The following RTF2 variants were observed in gnomAD, a reference collection of about 807,000 sequenced individuals.
The protein encoded by RTF2 is replication termination factor 2.
In RTF2, 18 loss-of-function variants were observed where a neutral mutation model predicts 38.0. The observed-to-expected ratio is 0.47, with a 90% CI of 0.33 to 0.70. RTF2 has a LOEUF of 0.70. Ranked by LOEUF, RTF2 falls within the 30% of genes least tolerant of loss-of-function variation. The pLI is 0.02. For missense variants in RTF2, 311 were observed against 379.6 expected, an observed-to-expected ratio of 0.82 and a Z score of 1.50; for synonymous variants, 126 against 137.1, an observed-to-expected ratio of 0.92 and a Z score of 0.57.
rs1256888430 is a variant in RTF2 at position 56,518,739 on chromosome 20, A to G, written c.*474A>G. The G allele has an allele frequency of 6.5e-6, 1 of 152,980 alleles. No homozygotes were observed. Among genetic ancestry groups the G allele is most frequent in the Non-Finnish European group, 1.5e-5 (1 of 68,654 alleles). The allele number at this position is 152,980 out of a possible 1,614,324, so 9.5% of individuals were successfully genotyped here. ...CTTCGAAGGGCCTCGTCCCTCTGCT[A>G]CAGCCCTGGGAGGAGCCAGGATCCT... is the stretch of plus-strand genomic sequence containing the variant. On this transcript the variant is annotated 3_prime_UTR_variant, in exon 9 of 9. Coordinates refer to ENST00000357348, the MANE Select transcript of RTF2 (RefSeq NM_016407.5).
intron 4 of RTF2, among the ~76,000 whole-genome samples, chr20:56,481,834 G>A (rs368505368): frequency 1.4e-4 from 22 of 152,266 alleles, no homozygotes; most frequent in African/African-American, 5.3e-4. Flanking sequence ...GTCTGTTTCT[G>A]TCTCAATGGA....
Position 56,497,548 on chromosome 20 carries a change from T to C in RTF2, c.477+13359T>C, listed in dbSNP as rs375376983. 5.9e-5 allele frequency: 82 copies of C among 1,397,696 alleles called. No homozygotes were observed. The African/African-American group carries it at 1.0e-3, about 18-fold the overall frequency. 86.6% of individuals were successfully genotyped at this position (1,397,696 alleles called of 1,614,324 possible). ...GTTGGATTCCTTAAGTAAAGAAAAA[T>C]GAAGATGCAAATGACTGCCCTCACG... On this transcript the variant is annotated intron_variant, in intron 5 of 8. Transcript: ENST00000357348.
chr20:56,473,839 A>T (rs1034105571), intron 2 of RTF2, among the ~76,000 whole-genome samples: 1 of 152,040 alleles, frequency 6.6e-6, no homozygotes, highest in African/African-American at 2.4e-5. Flanking sequence ...AGTAAGCTAT[A>T]ATTCCACCAC....
At chr20:56,486,980 A>G (rs904236014) in intron 5 of RTF2, among the ~76,000 whole-genome samples, 6 of 152,038 alleles carry the variant, frequency 3.9e-5, no homozygotes, top group Non-Finnish European at 8.8e-5. Context: ...GATTGGGGAA[A>G]CCTTCGAATG....
intron 5 of RTF2, among the ~76,000 whole-genome samples, chr20:56,498,615 G>T (rs193006185): frequency 2.0e-5 from 3 of 152,268 alleles, no homozygotes. Context: ...GTCTACAGAG[G>T]TACATGAATA....
At chr20:56,476,625 G>T (rs917932062) in intron 3 of RTF2, among the ~76,000 whole-genome samples, 3 of 151,350 alleles carry the variant, frequency 2.0e-5, no homozygotes, top group South Asian at 4.2e-4. Context: ...TCAGCCTCCC[G>T]AGTAGCTGGG....
At chr20:56,518,017 CT>C in intron 8 of RTF2, 69 bp from the exon 9 acceptor site, 1 of 1,471,418 alleles carries the variant, frequency 6.8e-7, no homozygotes, top group Non-Finnish European at 9.3e-7. Context: ...ATGGGCTTCC[CT>C]TCTGAGGATG....
intron 5 of RTF2, among the ~76,000 whole-genome samples, chr20:56,511,856 G>A (rs139497106): frequency 8.6e-4 from 130 of 151,732 alleles, no homozygotes; most frequent in Middle Eastern, 6.8e-3. Flanking sequence ...TTTTTGAGAC[G>A]GAGTCTCGCT....
chr20:56,506,845 C>A (rs932664785), intron 5 of RTF2, among the ~76,000 whole-genome samples: 2 of 152,080 alleles, frequency 1.3e-5, no homozygotes, highest in Non-Finnish European at 2.9e-5. Context: ...AGACTACAGG[C>A]GCCCACCACC....
At chr20:56,498,641 A>G (rs1202656282) in intron 5 of RTF2, among the ~76,000 whole-genome samples, 2 of 152,256 alleles carry the variant, frequency 1.3e-5, no homozygotes, top group East Asian at 3.8e-4. Context: ...AGCAATAGCA[A>G]AAAGTGACCA....
intron 5 of RTF2, among the ~76,000 whole-genome samples, chr20:56,486,127 C>T (rs559101524): frequency 1.9e-4 from 29 of 152,150 alleles, no homozygotes; most frequent in African/African-American, 6.0e-4. Context: ...AGGACAGTGA[C>T]GCCCATTTTG....
Position 56,518,230 on chromosome 20 carries a change from GC to G in RTF2, c.889del (p.His297ThrfsTer28). 2 of 1,613,954 alleles carry G rather than the reference GC, an allele frequency of 1.2e-6. No homozygotes were observed. The highest frequency in any genetic ancestry group is 1.7e-6 in the Non-Finnish European group (2 of 1,179,944). ...SSAKRSKEES[A>X]HWVTHTSYCF The stretch of plus-strand genomic sequence containing the variant: ...CGCCAAGCGCTCCAAGGAGGAGTCT[GC>G]CCACTGGGTCACCCACACGTCCTAC... On this transcript the variant is annotated frameshift_variant, in exon 9 of 9. Transcript: ENST00000357348. LOFTEE classifies it high-confidence loss of function.
chr20:56,506,794 A>G (rs1209642600), intron 5 of RTF2, among the ~76,000 whole-genome samples: 1 of 151,730 alleles, frequency 6.6e-6, no homozygotes, highest in African/African-American at 2.4e-5. Context: ...TCCGCCTCCC[A>G]GCTTCACGCC....
chr20:56,502,676 C>T (rs1193009866), intron 5 of RTF2, among the ~76,000 whole-genome samples: 1 of 152,150 alleles, frequency 6.6e-6, no homozygotes, highest in Non-Finnish European at 1.5e-5. Context: ...GCCATATATT[C>T]TAGCATATTA....
At chr20:56,505,610 G>T (rs981536379) in intron 5 of RTF2, among the ~76,000 whole-genome samples, 10 of 151,840 alleles carry the variant, frequency 6.6e-5, no homozygotes, top group African/African-American at 2.4e-4. Context: ...TTCACTTCTT[G>T]TCTCACATTC....
intron 5 of RTF2, chr20:56,497,755 T>A (rs970268087): frequency 8.1e-5 from 34 of 417,472 alleles, no homozygotes; most frequent in Non-Finnish European, 1.3e-4. Flanking sequence ...TACACACCCA[T>A]GAAACTGTCA....
At chr20:56,489,651 T>A (rs1048731813) in intron 5 of RTF2, among the ~76,000 whole-genome samples, 3 of 152,170 alleles carry the variant, frequency 2.0e-5, no homozygotes, top group Non-Finnish European at 4.4e-5. Flanking sequence ...ACCCATGTCC[T>A]CCTAACGGTG....
At chr20:56,474,844 C>T in intron 3 of RTF2, 73 bp downstream of exon 3, 1 of 974,210 alleles carries the variant, frequency 1.0e-6, no homozygotes, top group Non-Finnish European at 1.5e-6. Flanking sequence ...AATTTATACG[C>T]CTTAAAGACT....
intron 5 of RTF2, among the ~76,000 whole-genome samples, chr20:56,490,238 T>A (rs990507479): frequency 1.3e-5 from 2 of 152,244 alleles, no homozygotes; most frequent in African/African-American, 4.8e-5. Context: ...GTTGGAATTA[T>A]GTTTCTTTAA....
Sources: gnomAD v4.1 joint callset for allele counts (sites outside exome capture counted in the v4.1 genomes callset) on GRCh38, gnomAD v4.1.1 for gene constraint, MANE v1.5 for transcripts, NCBI Gene and HGNC (gene_info 2026-07-23, HGNC 2026-07-21) for gene names.